MAN1A2: variants seen among roughly 807,000 people sequenced by gnomAD.
MAN1A2 encodes mannosyl-oligosaccharide 1,2-alpha-mannosidase IB.
Under a neutral mutation model 75.7 loss-of-function variants are expected in MAN1A2, and 26 were observed. That is an observed-to-expected ratio of 0.34 (90% confidence interval 0.25 to 0.48). The LOEUF (loss-of-function observed/expected upper bound fraction) is 0.48. Ranked by LOEUF, MAN1A2 falls within the 20% of genes least tolerant of loss-of-function variation. The pLI, the probability that MAN1A2 is intolerant of heterozygous loss-of-function variation, is 0.99. For missense variants in MAN1A2, 562 were observed against 775.5 expected (o/e 0.72, Z 3.27); for synonymous variants, 247 against 264.6 (o/e 0.93, Z 0.65).
intron 3 of MAN1A2, among the ~76,000 whole-genome samples, chr1:117,411,016 GTTAA>G (rs1647801024): frequency 6.6e-6 from 1 of 151,742 alleles, no homozygotes; most frequent in South Asian, 2.1e-4. Flanking sequence ...TTGTTGGGAT[GTTAA>G]TTCTTTCTAA....
Position 117,516,702 on chromosome 1 carries a change from G to GC in MAN1A2, c.1794-6119dup, listed in dbSNP as rs368210748. On this transcript the variant is annotated intron_variant, in intron 12 of 12. Coordinates refer to ENST00000356554, the MANE Select transcript of MAN1A2 (RefSeq NM_006699.5). The stretch of plus-strand genomic sequence containing the variant: ...AACAAATGAAGTAAGCCCTGTAATT[G>GC]CCCCAGCTGTCTTGATAGAGTTTCC... Among the ~76,000 whole-genome samples the GC allele has an allele frequency of 3.8e-3, 577 of 152,232 alleles. 6 individuals carry two copies. Among genetic ancestry groups the GC allele is most frequent in the African/African-American group, 0.013 (548 of 41,540 alleles).
At chr1:117,403,952 G>A (rs540947327) in intron 2 of MAN1A2, among the ~76,000 whole-genome samples, 2 of 152,122 alleles carry the variant, frequency 1.3e-5, no homozygotes, top group Non-Finnish European at 2.9e-5. Flanking sequence ...CCTTGTAATT[G>A]TAGTTTACTG....
intron 8 of MAN1A2, among the ~76,000 whole-genome samples, chr1:117,468,312 C>T (rs1048193697): frequency 1.1e-4 from 16 of 152,122 alleles, no homozygotes; most frequent in Non-Finnish European, 1.5e-4. Flanking sequence ...TCTTCCTGTA[C>T]CCACTCTCCA....
At chr1:117,445,870 G>GTATATATATATATA (rs1342445541) in intron 6 of MAN1A2, among the ~76,000 whole-genome samples, 27 of 114,686 alleles carry the variant, frequency 2.4e-4, no homozygotes, top group Admixed American at 1.4e-3. Flanking sequence ...ATGTGTGTGT[G>GTATATATATATATA]TGTCTGTGTG....
chr1:117,389,394 C>T (rs1016513521), intron 1 of MAN1A2, among the ~76,000 whole-genome samples: 1 of 152,152 alleles, frequency 6.6e-6, no homozygotes, highest in East Asian at 1.9e-4. Flanking sequence ...CTAGATCCCT[C>T]ACATGAGCAG....
At chr1:117,480,348 G>C (rs1650456918) in intron 8 of MAN1A2, among the ~76,000 whole-genome samples, 1 of 151,852 alleles carries the variant, frequency 6.6e-6, no homozygotes, top group Non-Finnish European at 1.5e-5. Flanking sequence ...AAATTTTCTT[G>C]ATGCAGTAAT....
intron 5 of MAN1A2, among the ~76,000 whole-genome samples, chr1:117,429,781 G>C (rs1261944071): frequency 9.6e-6 from 1 of 104,170 alleles, no homozygotes; most frequent in Non-Finnish European, 2.0e-5. Flanking sequence ...CCTCCCTCCC[G>C]GACGGGGCGG....
At chr1:117,387,957 C>T (rs1299300606) in intron 1 of MAN1A2, among the ~76,000 whole-genome samples, 1 of 148,888 alleles carries the variant, frequency 6.7e-6, no homozygotes, top group Non-Finnish European at 1.5e-5. Flanking sequence ...CTCCCAAGGC[C>T]CCCCACCCCC....
intron 11 of MAN1A2, among the ~76,000 whole-genome samples, chr1:117,501,406 G>A (rs144493558): frequency 5.9e-4 from 90 of 151,790 alleles, no homozygotes; most frequent in Middle Eastern, 3.4e-3. Flanking sequence ...TCTCCTCTTG[G>A]GTGCGAAGAA....
chr1:117,409,730 G>A (rs1557938487), intron 3 of MAN1A2, among the ~76,000 whole-genome samples: 1 of 151,780 alleles, frequency 6.6e-6, no homozygotes, highest in Non-Finnish European at 1.5e-5. Flanking sequence ...GTAATTTGAG[G>A]TACTCTTGTC....
chr1:117,430,118 G>A (rs1278026690), intron 5 of MAN1A2, among the ~76,000 whole-genome samples: 1 of 78,176 alleles, frequency 1.3e-5, no homozygotes, highest in African/African-American at 5.6e-5. Context: ...GGGGTAGCTG[G>A]CCGGGCTGAG....
chr1:117,508,429 T>C (rs1651435925), intron 12 of MAN1A2, among the ~76,000 whole-genome samples: 1 of 151,652 alleles, frequency 6.6e-6, no homozygotes, highest in Non-Finnish European at 1.5e-5. Flanking sequence ...GCAGAAATTA[T>C]GTCTGTGTCT....
At chr1:117,454,574 T>TA (rs1259095191) in intron 6 of MAN1A2, among the ~76,000 whole-genome samples, 1 of 152,160 alleles carries the variant, frequency 6.6e-6, no homozygotes, top group Non-Finnish European at 1.5e-5. Flanking sequence ...AACAAAAGCT[T>TA]AGAGAATTTA....
At chr1:117,421,311 G>A (rs1302208147) in intron 5 of MAN1A2, among the ~76,000 whole-genome samples, 1 of 152,004 alleles carries the variant, frequency 6.6e-6, no homozygotes, top group Non-Finnish European at 1.5e-5. Flanking sequence ...TAGACAATTT[G>A]TAAGAGCTCT....
intron 5 of MAN1A2, among the ~76,000 whole-genome samples, chr1:117,433,316 G>A (rs912124489): frequency 5.9e-5 from 9 of 151,964 alleles, no homozygotes; most frequent in African/African-American, 1.5e-4. Flanking sequence ...TAAAAAAATC[G>A]AAAATTGGAA....
Position 117,469,052 on chromosome 1 carries a change from A to G in MAN1A2, c.1168+2625A>G, listed in dbSNP as rs184193986. On this transcript the variant is annotated intron_variant, in intron 8 of 12. Coordinates refer to ENST00000356554, the MANE Select transcript of MAN1A2 (RefSeq NM_006699.5). ...AGAATTGCCAGCCTTAAAATGATCA[A>G]AAGTACAACATTGATGACATGGAGG... Among the ~76,000 whole-genome samples, 53 of 152,230 alleles carry G rather than the reference A, an allele frequency of 3.5e-4. No individual in the cohort carries two copies. In the East Asian group the frequency reaches 9.5e-3, roughly 27 times the overall value.
chr1:117,507,060 TACTTTG>T (rs1248724886), intron 12 of MAN1A2, among the ~76,000 whole-genome samples: 1 of 151,654 alleles, frequency 6.6e-6, no homozygotes, highest in Non-Finnish European at 1.5e-5. Context: ...ATGTGTGTTA[TACTTTG>T]ACTTTTAAAG....
intron 10 of MAN1A2, among the ~76,000 whole-genome samples, chr1:117,497,712 A>G (rs1195882411): frequency 6.6e-6 from 1 of 151,860 alleles, no homozygotes; most frequent in African/African-American, 2.4e-5. Flanking sequence ...TTTTTTAAAA[A>G]AGACAAAAGG....
intron 7 of MAN1A2, among the ~76,000 whole-genome samples, chr1:117,462,563 C>A (rs1413901911): frequency 1.3e-5 from 2 of 152,000 alleles, no homozygotes; most frequent in Non-Finnish European, 2.9e-5. Flanking sequence ...ATCCAGAGAA[C>A]AAAGAGAAGG....
Sources: gnomAD v4.1 joint callset for allele counts (sites outside exome capture counted in the v4.1 genomes callset) on GRCh38, gnomAD v4.1.1 for gene constraint, MANE v1.5 for transcripts, NCBI Gene and HGNC (gene_info 2026-07-23, HGNC 2026-07-21) for gene names.